The following PARD3B variants were observed in gnomAD, a reference collection of about 807,000 sequenced individuals.
PARD3B encodes the protein partitioning defective 3 homolog B.
A neutral mutation model predicts 130.2 loss-of-function variants in PARD3B; 103 were observed. That is an observed-to-expected ratio of 0.79 (90% CI 0.67 to 0.93). PARD3B has a LOEUF of 0.93. Among genes scored for constraint, PARD3B ranks in the 40% least tolerant of loss-of-function variants. The pLI, the probability that PARD3B is intolerant of heterozygous loss-of-function variation, is 0.00. For missense variants in PARD3B, 1,609 were observed against 1,499.2 expected, an observed-to-expected ratio of 1.07 and a Z score of -1.21; for synonymous variants, 583 against 553.2, an observed-to-expected ratio of 1.05 and a Z score of -0.76.
chr2:205,016,720 G>A (rs1020702528), intron 3 of PARD3B, among the ~76,000 whole-genome samples: 1 of 152,074 alleles, frequency 6.6e-6, no homozygotes, highest in African/African-American at 2.4e-5. Flanking sequence ...TCTGACTTCT[G>A]TGTTTACTTT....
chr2:204,926,537 A>G (rs1361457693), intron 2 of PARD3B, among the ~76,000 whole-genome samples: 1 of 152,096 alleles, frequency 6.6e-6, no homozygotes, highest in Non-Finnish European at 1.5e-5. Flanking sequence ...CTACACAGCT[A>G]GAAGCCCCAG....
chr2:205,004,792 G>T (rs1695119325), intron 3 of PARD3B, among the ~76,000 whole-genome samples: 1 of 152,188 alleles, frequency 6.6e-6, no homozygotes, highest in Middle Eastern at 3.2e-3. Context: ...CATCTCAGCT[G>T]AAATGAGAGA....
chr2:204,929,751 T>A (rs1687890811), intron 2 of PARD3B, among the ~76,000 whole-genome samples: 1 of 151,700 alleles, frequency 6.6e-6, no homozygotes, highest in African/African-American at 2.4e-5. Context: ...CCAAGAATCC[T>A]GGTAAAACAG....
intron 2 of PARD3B, among the ~76,000 whole-genome samples, chr2:204,833,345 C>T (rs758042359): frequency 2.0e-5 from 3 of 152,138 alleles, no homozygotes; most frequent in Non-Finnish European, 4.4e-5. Context: ...CCCCACATTT[C>T]TTGACTGTTA....
At chr2:204,793,887 A>G (rs917232750) in intron 2 of PARD3B, among the ~76,000 whole-genome samples, 7 of 152,178 alleles carry the variant, frequency 4.6e-5, no homozygotes, top group African/African-American at 1.7e-4. Context: ...CTGAGACTGC[A>G]GTTTTTACTA....
intron 2 of PARD3B, among the ~76,000 whole-genome samples, chr2:204,813,233 T>G (rs961699528): frequency 6.6e-6 from 1 of 152,170 alleles, no homozygotes; most frequent in African/African-American, 2.4e-5. Flanking sequence ...CTTTTTAATT[T>G]TAGTCATTTT....
At chr2:204,557,006 A>ATT (rs374055935) in intron 1 of PARD3B, among the ~76,000 whole-genome samples, 16 of 144,174 alleles carry the variant, frequency 1.1e-4, no homozygotes, top group African/African-American at 4.0e-4. Context: ...GCTTTTCAGG[A>ATT]TTTTTTTTTT....
intron 3 of PARD3B, among the ~76,000 whole-genome samples, chr2:205,002,097 A>T (rs1694888509): frequency 6.6e-6 from 1 of 152,034 alleles, no homozygotes; most frequent in African/African-American, 2.4e-5. Flanking sequence ...TAGTTTAAAA[A>T]CCCAACTGCC....
chr2:204,732,975 G>C (rs1003272000), intron 2 of PARD3B, among the ~76,000 whole-genome samples: 2 of 152,116 alleles, frequency 1.3e-5, no homozygotes, highest in Admixed American at 6.6e-5. Context: ...CCCTAGCAGA[G>C]TGCCTGCCAT....
At chr2:205,573,716 A>T (rs951811756) in intron 22 of PARD3B, among the ~76,000 whole-genome samples, 1 of 152,112 alleles carries the variant, frequency 6.6e-6, no homozygotes, top group Non-Finnish European at 1.5e-5. Context: ...ACAAACTGGA[A>T]ATAGTCATCT....
chr2:205,587,595 G>T (rs2054243918), intron 22 of PARD3B, among the ~76,000 whole-genome samples: 1 of 152,094 alleles, frequency 6.6e-6, no homozygotes, highest in Admixed American at 6.6e-5. Flanking sequence ...TCTCTCTGTG[G>T]CTTTCCCTTT....
intron 4 of PARD3B, among the ~76,000 whole-genome samples, chr2:205,052,431 A>G (rs1009772760): frequency 4.6e-5 from 1 of 21,946 alleles, no homozygotes; most frequent in Admixed American, 5.2e-4. Flanking sequence ...ATATATATAT[A>G]TATATATATA....
In PARD3B at chr2:204,704,742, C is replaced by CA. The variant is rs148763100; in HGVS notation, c.222+18461dup. Reference sequence around the variant, plus strand: ...CCCTCCCCTTTGAATCTGAGGGGGCCACTAATTTTTTTCCTAGAGTGCTAC... The same window carrying CA: ...CCCTCCCCTTTGAATCTGAGGGGGCCAACTAATTTTTTTCCTAGAGTGCTAC... On this transcript the variant is annotated intron_variant, in intron 2 of 22. Transcript: ENST00000406610. Among the ~76,000 whole-genome samples, 593 of 152,168 alleles carry CA rather than the reference C, an allele frequency of 3.9e-3. 5 individuals are homozygous for CA. Among genetic ancestry groups the CA allele is most frequent in the African/African-American group, 0.013 (554 of 41,536 alleles).
At chr2:204,915,275 A>G (rs2047400800) in intron 2 of PARD3B, among the ~76,000 whole-genome samples, 1 of 152,130 alleles carries the variant, frequency 6.6e-6, no homozygotes, top group South Asian at 2.1e-4. Context: ...GGCCTGCGCT[A>G]TACTTAATAA....
chr2:205,053,641 C>CAAAAAAAAA (rs777534366), intron 4 of PARD3B, among the ~76,000 whole-genome samples: 1 of 115,106 alleles, frequency 8.7e-6, no homozygotes. Flanking sequence ...AACTCCATCT[C>CAAAAAAAAA]AAAAAAAAAA....
intron 16 of PARD3B, among the ~76,000 whole-genome samples, chr2:205,248,735 G>GTAGC (rs1289485819): frequency 2.0e-5 from 3 of 150,214 alleles, no homozygotes; most frequent in Non-Finnish European, 4.4e-5. Flanking sequence ...AGCCTCCCGA[G>GTAGC]TAGCTGGGAC....
chr2:205,451,255 A>G (rs149175495), intron 20 of PARD3B, among the ~76,000 whole-genome samples: 61 of 152,352 alleles, frequency 4.0e-4, no homozygotes, highest in African/African-American at 1.4e-3. Context: ...GCAAATGGCC[A>G]ATGGAATGTG....
chr2:205,549,166 A>G (rs1208549107), intron 21 of PARD3B, among the ~76,000 whole-genome samples: 4 of 152,072 alleles, frequency 2.6e-5, no homozygotes, highest in African/African-American at 7.2e-5. Flanking sequence ...TTCACCAGGA[A>G]CTCTCATTTG....
chr2:205,349,876 T>G (rs1483799510), intron 18 of PARD3B, among the ~76,000 whole-genome samples: 2 of 151,136 alleles, frequency 1.3e-5, no homozygotes, highest in African/African-American at 4.9e-5. Context: ...GCATTTAATT[T>G]GAATATATCA....
Sources: allele counts gnomAD v4.1 joint callset (sites outside exome capture counted in the v4.1 genomes callset), GRCh38; gene constraint gnomAD v4.1.1; transcripts MANE v1.5; gene names NCBI Gene and HGNC (gene_info 2026-07-23, HGNC 2026-07-21).